MBOAT1: variants seen among roughly 807,000 people sequenced by gnomAD.
The protein encoded by MBOAT1 is membrane bound glycerophospholipid O-acyltransferase 1.
In MBOAT1, 67 loss-of-function variants were observed where a neutral mutation model predicts 64.4. The ratio of observed to expected loss-of-function variants is 1.04; its 90% confidence interval spans 0.85 to 1.27. The LOEUF is 1.27. Ranked by LOEUF, MBOAT1 falls within the 50% of genes most tolerant of loss-of-function variation. The probability of loss-of-function intolerance (pLI) is 0.00; values close to 1 mark genes in which losing one functional copy is unlikely to be tolerated. For synonymous variants in MBOAT1, 229 were observed against 218.9 expected (o/e 1.05, Z -0.41); for missense variants, 563 against 604.6 (o/e 0.93, Z 0.72).
intron 1 of MBOAT1, among the ~76,000 whole-genome samples, chr6:20,182,346 A>G (rs1762535065): frequency 6.6e-6 from 1 of 152,144 alleles, no homozygotes; most frequent in Non-Finnish European, 1.5e-5. Flanking sequence ...TAAAAACACA[A>G]ATCCCACACC....
chr6:20,110,094 A>G (rs1254545441), intron 11 of MBOAT1, among the ~76,000 whole-genome samples: 2 of 151,302 alleles, frequency 1.3e-5, no homozygotes, highest in African/African-American at 2.4e-5. Flanking sequence ...TATTTTTAGT[A>G]GAGCTGGGGT....
At position 20,135,376 on chromosome 6, in the gene MBOAT1, C is replaced by T. The variant is rs1328420359; in HGVS notation, c.420-4177G>A. Among the ~76,000 whole-genome samples, 4 of 152,126 alleles carry T rather than the reference C, an allele frequency of 2.6e-5. No individual in the cohort carries two copies. The South Asian group carries it at 6.2e-4, about 24-fold the overall frequency. On this transcript the variant is annotated intron_variant, in intron 4 of 12. Transcript: ENST00000324607. ...AAAGAAAGCTAGAACAATGCCAGCACCCCCCATTATTGCCTTCTGATACAG... is the reference window on the plus strand; with the variant it reads ...AAAGAAAGCTAGAACAATGCCAGCATCCCCCATTATTGCCTTCTGATACAG...
intron 11 of MBOAT1, 66 bp from the exon 12 acceptor site, chr6:20,109,815 T>C: frequency 1.3e-6 from 2 of 1,509,536 alleles, no homozygotes; most frequent in Non-Finnish European, 9.0e-7. Context: ...TTTTACTCTG[T>C]GCATGCAGAT....
In MBOAT1 at chr6:20,212,131, G is replaced by A. The variant is rs372080438; in HGVS notation, c.99+5C>T. The A allele has an allele frequency of 6.2e-6, 10 of 1,613,070 alleles. No individual in the cohort carries two copies. The African/African-American group carries it at 1.3e-4, about 22-fold the overall frequency. On this transcript the variant is annotated splice_donor_5th_base_variant and intron_variant, in intron 1 of 12. Coordinates refer to ENST00000324607, the MANE Select transcript of MBOAT1 (RefSeq NM_001080480.3). Reference sequence around the variant, plus strand: ...GGGGTCGCTGCGCTCCCGGCCTGCAGTTACCTGGTCCAGCGGGATGCCCAG... The same window carrying A: ...GGGGTCGCTGCGCTCCCGGCCTGCAATTACCTGGTCCAGCGGGATGCCCAG...
intron 1 of MBOAT1, among the ~76,000 whole-genome samples, chr6:20,192,539 A>G (rs563835274): frequency 6.6e-6 from 1 of 152,350 alleles, no homozygotes; most frequent in East Asian, 1.9e-4. Flanking sequence ...CATCAGAAAT[A>G]AAGTCCTACA....
intron 1 of MBOAT1, among the ~76,000 whole-genome samples, chr6:20,186,410 T>C (rs180672399): frequency 6.6e-6 from 1 of 152,310 alleles, no homozygotes; most frequent in East Asian, 1.9e-4. Flanking sequence ...TAAAAACCCA[T>C]GTGCCCTGGG....
At chr6:20,173,200 T>A (rs79436317) in intron 1 of MBOAT1, among the ~76,000 whole-genome samples, 1 of 152,198 alleles carries the variant, frequency 6.6e-6, no homozygotes, top group Non-Finnish European at 1.5e-5. Context: ...TTTGTTTTAC[T>A]AAATTACCCA....
rs2113615896 is a variant in MBOAT1 at position 20,100,096 on chromosome 6, G to C, written c.*2190C>G. Among the ~76,000 whole-genome samples, 1 of 152,298 alleles carries C rather than the reference G, an allele frequency of 6.6e-6. No homozygotes were observed. On this transcript the variant is annotated 3_prime_UTR_variant, in exon 13 of 13. Coordinates refer to ENST00000324607, the MANE Select transcript of MBOAT1 (RefSeq NM_001080480.3). The stretch of plus-strand genomic sequence containing the variant: ...GGCCCCAGCTTGCCCAGGACTGAGG[G>C]CTTGAGAGAGTCCTTGGCAAACCAG...
chr6:20,190,645 C>T (rs949294622), intron 1 of MBOAT1, among the ~76,000 whole-genome samples: 1 of 151,794 alleles, frequency 6.6e-6, no homozygotes, highest in Non-Finnish European at 1.5e-5. Flanking sequence ...TATTCCTCTA[C>T]TGCTTCACAT....
intron 1 of MBOAT1, among the ~76,000 whole-genome samples, chr6:20,156,509 G>A (rs866309321): frequency 4.6e-5 from 7 of 152,162 alleles, no homozygotes; most frequent in Non-Finnish European, 7.3e-5. Context: ...ACACCACCAC[G>A]TAGTTCTAGT....
At chr6:20,168,074 C>G (rs1373767072) in intron 1 of MBOAT1, among the ~76,000 whole-genome samples, 1 of 152,130 alleles carries the variant, frequency 6.6e-6, no homozygotes, top group Non-Finnish European at 1.5e-5. Context: ...ACGGGTGTGT[C>G]CTAAATCTAA....
intron 3 of MBOAT1, among the ~76,000 whole-genome samples, chr6:20,149,604 C>A (rs1761430103): frequency 6.6e-6 from 1 of 152,120 alleles, no homozygotes; most frequent in African/African-American, 2.4e-5. Flanking sequence ...AAATGGATTT[C>A]CTATTTCCTT....
At chr6:20,142,067 C>T (rs1280511210) in intron 4 of MBOAT1, among the ~76,000 whole-genome samples, 2 of 121,910 alleles carry the variant, frequency 1.6e-5, no homozygotes, top group East Asian at 2.1e-4. Context: ...TGAATAGATG[C>T]TTCCTGCCTT....
chr6:20,122,600 CT>C (rs1760525442), intron 8 of MBOAT1, among the ~76,000 whole-genome samples: 1 of 152,112 alleles, frequency 6.6e-6, no homozygotes, highest in South Asian at 2.1e-4. Context: ...CAGCATTGGA[CT>C]GAACTTATGC....
chr6:20,184,677 A>T (rs1019298273), intron 1 of MBOAT1, among the ~76,000 whole-genome samples: 6 of 151,986 alleles, frequency 3.9e-5, no homozygotes, highest in Non-Finnish European at 8.8e-5. Flanking sequence ...GTACACCCTC[A>T]TTCCCTACAG....
intron 1 of MBOAT1, among the ~76,000 whole-genome samples, chr6:20,194,566 G>A (rs953147502): frequency 7.2e-5 from 11 of 152,176 alleles, no homozygotes; most frequent in Non-Finnish European, 1.2e-4. Context: ...GATGTAAAGT[G>A]CCATTTTCAC....
chr6:20,107,739 C>G (rs574346717), intron 12 of MBOAT1, among the ~76,000 whole-genome samples: 1 of 151,774 alleles, frequency 6.6e-6, no homozygotes, highest in Non-Finnish European at 1.5e-5. Context: ...CAATATATTC[C>G]TTAAAAATCT....
At chr6:20,143,409 C>T (rs1434144537) in intron 4 of MBOAT1, among the ~76,000 whole-genome samples, 1 of 152,092 alleles carries the variant, frequency 6.6e-6, no homozygotes, top group East Asian at 1.9e-4. Context: ...GCCTGGGGGC[C>T]GGGGCAAGGG....
intron 1 of MBOAT1, among the ~76,000 whole-genome samples, chr6:20,180,336 C>T (rs900572643): frequency 3.3e-5 from 5 of 152,124 alleles, no homozygotes; most frequent in East Asian, 1.9e-4. Context: ...TGTCCTCCTA[C>T]TTGCTCCGAT....
Sources: allele counts gnomAD v4.1 joint callset (sites outside exome capture counted in the v4.1 genomes callset), GRCh38; gene constraint gnomAD v4.1.1; transcripts MANE v1.5; gene names NCBI Gene and HGNC (gene_info 2026-07-23, HGNC 2026-07-21).